The following SGSM3 variants were observed in gnomAD, a reference collection of about 807,000 sequenced individuals.
SGSM3 encodes RUN and SH3 containing 3.
Under a neutral mutation model 100.5 loss-of-function variants are expected in SGSM3, and 96 were observed. That is an observed-to-expected ratio of 0.96 (90% confidence interval 0.81 to 1.13). SGSM3 has a LOEUF of 1.13. Among genes scored for constraint, SGSM3 ranks in the 50% most tolerant of loss-of-function variants. The pLI is 0.00. For synonymous variants in SGSM3, 483 were observed against 422.8 expected (o/e 1.14, Z -1.75); for missense variants, 1,001 against 1,015.8 (o/e 0.99, Z 0.20).
intron 1 of SGSM3, among the ~76,000 whole-genome samples, chr22:40,374,742 T>C (rs187054790): frequency 8.3e-4 from 127 of 152,318 alleles, no homozygotes; most frequent in Admixed American, 2.0e-3. Flanking sequence ...TTGCCAGTCA[T>C]GGTGATGTGC....
At position 40,398,639 on chromosome 22, in the gene SGSM3, A is replaced by G. The variant is rs372891450; in HGVS notation, c.-111-2057A>G. ...AACCATACACAGTTGTCATTTTTCT[A>G]GGCTGTAATGGATGAATATCGGCAA... is the stretch of plus-strand genomic sequence containing the variant. On this transcript the variant is annotated intron_variant, in intron 1 of 21. Coordinates refer to ENST00000248929, the MANE Select transcript of SGSM3 (RefSeq NM_015705.6). Among the ~76,000 whole-genome samples the G allele has an allele frequency of 1.1e-4, 16 of 141,430 alleles. 1 individual carries two copies. In the East Asian group the frequency reaches 3.4e-3, roughly 30 times the overall value. The allele number at this position is 141,430 out of a possible 152,430, so 92.8% of individuals were successfully genotyped here. A position where few individuals can be genotyped will look rare whatever the true frequency, so the allele number is the denominator to read the frequency against.
chr22:40,380,363 AAT>A (rs1491409747), intron 1 of SGSM3, among the ~76,000 whole-genome samples: 118 of 141,010 alleles, frequency 8.4e-4, no homozygotes, highest in African/African-American at 3.1e-3. Context: ...GAATATCTAT[AAT>A]TTTTTTTTTT....
At position 40,410,195 on chromosome 22, in the gene SGSM3, C is replaced by G; in HGVS notation, c.*436C>G. On this transcript the variant is annotated 3_prime_UTR_variant, in exon 22 of 22. Transcript: ENST00000248929. The stretch of plus-strand genomic sequence containing the variant: ...CCTTCCTTGAGTGGTCTAGAAGGCA[C>G]TGCGTGGCCCCTCAGATGCTGGGAC... 9.4e-7 allele frequency: 1 copy of G among 1,065,292 alleles called. No individual in the cohort carries two copies. Among genetic ancestry groups the G allele is most frequent in the Non-Finnish European group, 1.1e-6 (1 of 880,698 alleles). 66.0% of individuals were successfully genotyped at this position (1,065,292 alleles called of 1,614,324 possible). A position where few individuals can be genotyped will look rare whatever the true frequency, so the allele number is the denominator to read the frequency against.
At chr22:40,402,072 C>T (rs2050828137) in intron 3 of SGSM3, 67 bp from the exon 4 acceptor site, 1 of 1,216,454 alleles carries the variant, frequency 8.2e-7, no homozygotes, top group Non-Finnish European at 1.2e-6. Context: ...CTGTGGGTGG[C>T]ATCTTTCAGA....
intron 1 of SGSM3, among the ~76,000 whole-genome samples, chr22:40,392,671 T>C (rs2146899500): frequency 6.6e-6 from 1 of 152,348 alleles, no homozygotes; most frequent in South Asian, 2.1e-4. Flanking sequence ...TAATTATTTT[T>C]AAAATTGAGA....
chr22:40,390,340 CCT>C (rs981294130), intron 1 of SGSM3: 6 of 152,220 alleles, frequency 3.9e-5, no homozygotes, highest in African/African-American at 1.2e-4. Flanking sequence ...AAATTTCTCC[CCT>C]TTTTAACAAG....
chr22:40,408,522 G>C (rs932910104), intron 16 of SGSM3, 93 bp downstream of exon 16: 8 of 1,592,112 alleles, frequency 5.0e-6, no homozygotes, highest in Non-Finnish European at 6.9e-6. Context: ...CCCACAGAGA[G>C]GATGGGAAGA....
intron 1 of SGSM3, among the ~76,000 whole-genome samples, chr22:40,384,570 G>A (rs982978587): frequency 6.6e-6 from 1 of 152,208 alleles, no homozygotes; most frequent in Admixed American, 6.5e-5. Flanking sequence ...CACGAGGTCA[G>A]GAGATCGAGA....
At chr22:40,408,757 C>T in intron 17 of SGSM3, 37 bp from the exon 18 acceptor site, 1 of 1,613,882 alleles carries the variant, frequency 6.2e-7, no homozygotes, top group Non-Finnish European at 8.5e-7. Context: ...GGGCCTGACC[C>T]AGCCCCGGCA....
At position 40,408,398 on chromosome 22, in the gene SGSM3, G is replaced by C. The variant is rs561742442; in HGVS notation, c.1751G>C (p.Gly584Ala). Reference protein sequence around the residue: ...HGLKKPSLLGGACHPWLFIEE... With the variant: ...HGLKKPSLLGAACHPWLFIEE... The stretch of plus-strand genomic sequence containing the variant: ...CTGAAGAAGCCATCCCTGCTTGGGG[G>C]CGCCTGCCACCCCTGGCTGTTTATC... Residue 584 changes from glycine to alanine, a missense_variant, in exon 16 of 22, where the codon GGC (glycine) becomes GCC (alanine). Physicochemically the swap from Gly to Ala is moderately conservative, Grantham distance 60 (BLOSUM62 0). Coordinates refer to ENST00000248929, the MANE Select transcript of SGSM3 (RefSeq NM_015705.6). 1 of 1,613,466 alleles carries C rather than the reference G, an allele frequency of 6.2e-7. No individual in the cohort carries two copies. Among genetic ancestry groups the C allele is most frequent in the Admixed American group, 1.7e-5 (1 of 60,016 alleles).
intron 1 of SGSM3, among the ~76,000 whole-genome samples, chr22:40,382,143 G>A (rs772763102): frequency 2.6e-5 from 4 of 152,034 alleles, no homozygotes; most frequent in Non-Finnish European, 5.9e-5. Flanking sequence ...TGTGAGGTCA[G>A]GATAAGTTTA....
intron 1 of SGSM3, among the ~76,000 whole-genome samples, chr22:40,389,386 T>G (rs909496061): frequency 7.0e-6 from 1 of 142,082 alleles, no homozygotes; most frequent in Non-Finnish European, 1.5e-5. Flanking sequence ...GATCACGAGG[T>G]CAGGAGATCC....
intron 1 of SGSM3, among the ~76,000 whole-genome samples, chr22:40,384,098 G>C (rs1291567981): frequency 2.0e-5 from 3 of 152,100 alleles, no homozygotes; most frequent in African/African-American, 4.8e-5. Context: ...ATAAAAATTA[G>C]CAAGTCATGA....
chr22:40,409,498 G>C lies in SGSM3; in HGVS notation c.2145G>C (p.Gln715His). ...VLCCFAFSLS[Q>H]DWELPAKREA... The stretch of plus-strand genomic sequence containing the variant: ...GCTGCTTTGCCTTCAGCCTCTCCCA[G>C]GACTGGGAGCTCCCTGCGAAGAGAG... Residue 715 changes from glutamine to histidine, a missense_variant, in exon 21 of 22, where the codon CAG (glutamine) becomes CAC (histidine). Physicochemically the swap from Gln to His is conservative, Grantham distance 24 (BLOSUM62 0). Coordinates refer to ENST00000248929, the MANE Select transcript of SGSM3 (RefSeq NM_015705.6). 1.3e-6 allele frequency: 2 copies of C among 1,593,398 alleles called. No homozygotes were observed. The highest frequency in any genetic ancestry group is 1.7e-6 in the Non-Finnish European group (2 of 1,169,692).
chr22:40,395,874 G>A (rs1484229582), intron 1 of SGSM3, among the ~76,000 whole-genome samples: 4 of 151,994 alleles, frequency 2.6e-5, no homozygotes, highest in Non-Finnish European at 4.4e-5. Context: ...CTCATTCTCC[G>A]TAATCTTTCC....
rs1189936475 is a variant in SGSM3 at position 40,392,298 on chromosome 22, A to T, written c.-111-8398A>T. Reference sequence around the variant, plus strand: ...GCTTGTTAGAGGAACTTGAAAAATTACAGGCTTTTTTTTTTTTTCAGCAGC... The same window carrying T: ...GCTTGTTAGAGGAACTTGAAAAATTTCAGGCTTTTTTTTTTTTTCAGCAGC... On this transcript the variant is annotated intron_variant, in intron 1 of 21. Transcript: ENST00000248929. Among the ~76,000 whole-genome samples, 6 of 151,716 alleles carry T rather than the reference A, an allele frequency of 4.0e-5. 1 individual carries two copies. The South Asian group carries it at 1.2e-3, about 32-fold the overall frequency.
At chr22:40,375,317 C>T (rs542601016) in intron 1 of SGSM3, among the ~76,000 whole-genome samples, 8 of 152,202 alleles carry the variant, frequency 5.3e-5, no homozygotes, top group East Asian at 1.9e-4. Context: ...TGGTGGCTCA[C>T]GCCTGTAATC....
Position 40,408,676 on chromosome 22 carries a change from T to A in SGSM3, c.1832T>A (p.Leu611Gln). ...GACTTTGCCTCCGTGTATTCCCGTC[T>A]GGTGCTCTGTAAGACCTTCAGGTAA... ...ERDFASVYSR[L>Q]VLCKTFRLDE... Residue 611 changes from leucine to glutamine, a missense_variant, in exon 17 of 22, where the codon CTG becomes CAG. Transcript: ENST00000248929. 15 of 1,614,032 alleles carry A rather than the reference T, an allele frequency of 9.3e-6. No individual in the cohort carries two copies. The highest frequency in any genetic ancestry group is 1.2e-5 in the Non-Finnish European group (14 of 1,180,020).
intron 6 of SGSM3, 27 bp from the exon 7 acceptor site, chr22:40,405,114 T>C (rs368505928): frequency 2.7e-6 from 4 of 1,482,284 alleles, no homozygotes; most frequent in African/African-American, 2.8e-5. Flanking sequence ...GGTCTTGTTA[T>C]TGTGGGTGCC....
Sources: allele counts gnomAD v4.1 joint callset (sites outside exome capture counted in the v4.1 genomes callset), GRCh38; gene constraint gnomAD v4.1.1; transcripts MANE v1.5; gene names NCBI Gene and HGNC (gene_info 2026-07-23, HGNC 2026-07-21).